Variants in VPS13D observed in about 807,000 individuals in gnomAD.
The protein encoded by VPS13D is vacuolar protein sorting 13 homolog D, also known as intermembrane lipid transfer protein VPS13D.
VPS13D carries 187 observed loss-of-function variants against 461.9 expected under a neutral mutation model. The observed-to-expected ratio is 0.40, with a 90% CI of 0.36 to 0.46. The LOEUF (loss-of-function observed/expected upper bound fraction) is 0.46, where lower values mean the gene tolerates loss of function less well. Among genes scored for constraint, VPS13D ranks in the 20% least tolerant of loss-of-function variants. The pLI, the probability that VPS13D is intolerant of heterozygous loss-of-function variation, is 0.60. For missense variants in VPS13D, 4,711 were observed against 5,364.9 expected (o/e 0.88, Z 3.81); for synonymous variants, 1,951 against 1,986.3 (o/e 0.98, Z 0.47).
chr1:12,386,573 C>T (rs1372918656), intron 60 of VPS13D, among the ~76,000 whole-genome samples: 1 of 152,090 alleles, frequency 6.6e-6, no homozygotes, highest in Non-Finnish European at 1.5e-5. Context: ...AGGAAGGTGA[C>T]CCATGGTTCA....
intron 19 of VPS13D, among the ~76,000 whole-genome samples, chr1:12,278,449 A>G (rs888017878): frequency 5.9e-5 from 9 of 151,946 alleles, no homozygotes; most frequent in Non-Finnish European, 1.3e-4. Flanking sequence ...TAATTTTTGT[A>G]TTTTTAGTAG....
chr1:12,276,539 A>C lies in VPS13D; in HGVS notation c.2951A>C (p.Asn984Thr). Residue 984 changes from asparagine (N) to threonine (T), a missense_variant, in exon 19 of 70, where the codon AAT (asparagine) becomes ACT (threonine). Physicochemically the swap from Asn to Thr is moderately conservative, Grantham distance 65. Around this residue, in one of 3 missense-constraint regions of VPS13D, gnomAD observed 4,411 missense variants for 4,937.8 expected, o/e 0.89. Transcript: ENST00000620676. The surrounding 1 kb of genome is among the most constrained non-coding windows in gnomAD (Gnocchi z 4.5). ...TCTGTGCTCAAGGTGTTTGGTACCA[A>C]TGCTCACTTTGTGAAGAGGCCTTAT... ...YISVLKVFGT[N>T]AHFVKRPYDA... is the part of the protein sequence containing the mutation. The C allele has an allele frequency of 6.2e-7, 1 of 1,614,168 alleles. No individual in the cohort carries two copies. Among genetic ancestry groups the C allele is most frequent in the Non-Finnish European group, 8.5e-7 (1 of 1,180,034 alleles).
chr1:12,469,962 A>G (rs976288967), intron 67 of VPS13D, among the ~76,000 whole-genome samples: 1 of 152,118 alleles, frequency 6.6e-6, no homozygotes, highest in Non-Finnish European at 1.5e-5. Flanking sequence ...ACTTGCCAAA[A>G]CCTCAACTTT....
At chr1:12,462,590 A>G (rs139354778) in intron 67 of VPS13D, among the ~76,000 whole-genome samples, 1 of 152,322 alleles carries the variant, frequency 6.6e-6, no homozygotes, top group East Asian at 1.9e-4. Context: ...GACCCAGCCT[A>G]TGTCTTGACC....
Position 12,267,836 on chromosome 1 carries a change from G to A in VPS13D, c.1726-9G>A, listed in dbSNP as rs775425229. ...GACGTTTACGCATTTTTGTGTGTTT[G>A]TTTAATAGCAAAAAGAAGTTGGCAG... On this transcript the variant is annotated splice_polypyrimidine_tract_variant and intron_variant, in intron 14 of 69. Transcript: ENST00000620676. The A allele has an allele frequency of 1.9e-6, 3 of 1,613,716 alleles. No homozygotes were observed. The highest frequency in any genetic ancestry group is 4.5e-5 in the East Asian group (2 of 44,862).
At chr1:12,377,311 C>T (rs1410936398) in intron 55 of VPS13D, among the ~76,000 whole-genome samples, 3 of 151,554 alleles carry the variant, frequency 2.0e-5, no homozygotes, top group Admixed American at 1.3e-4. Flanking sequence ...ACACCTGCCT[C>T]GGCCTCCCAA....
At chr1:12,265,932 G>A (rs1048802871) in intron 13 of VPS13D, among the ~76,000 whole-genome samples, 6 of 152,296 alleles carry the variant, frequency 3.9e-5, no homozygotes, top group African/African-American at 1.4e-4. Context: ...GCCAAGGCAG[G>A]AGGATCATTT....
chr1:12,401,545 A>C, intron 61 of VPS13D, 63 bp from the exon 62 acceptor site: 1 of 1,327,428 alleles, frequency 7.5e-7, no homozygotes, highest in Non-Finnish European at 1.1e-6. Context: ...AGGCCTTCTT[A>C]ATAGCACAGA....
chr1:12,378,308 C>T lies in VPS13D; in HGVS notation c.10918-120C>T, dbSNP rs1307218985. 27 of 870,422 alleles carry T rather than the reference C, an allele frequency of 3.1e-5. No homozygotes were observed. The East Asian group carries it at 4.2e-4, about 13-fold the overall frequency. 53.9% of individuals were successfully genotyped at this position (870,422 alleles called of 1,614,324 possible). A position where few individuals can be genotyped will look rare whatever the true frequency, so the allele number is the denominator to read the frequency against. ...TTAAGCATTTATATAATGTGGAAAA[C>T]GTCTAAATAAACTTCCTATATGAGA... is the stretch of plus-strand genomic sequence containing the variant. On this transcript the variant is annotated intron_variant, in intron 55 of 69. Transcript: ENST00000620676.
At chr1:12,384,338 A>G (rs1052739320) in intron 58 of VPS13D, among the ~76,000 whole-genome samples, 4 of 152,206 alleles carry the variant, frequency 2.6e-5, no homozygotes, top group Non-Finnish European at 4.4e-5. Context: ...GGCAACTCAC[A>G]GGATGATAAT....
intron 68 of VPS13D, 115 bp from the exon 69 acceptor site, chr1:12,506,738 C>CA: frequency 7.3e-7 from 1 of 1,374,118 alleles, no homozygotes; most frequent in Non-Finnish European, 9.9e-7. Context: ...TATTTCCCGG[C>CA]AAGGGGGCCG....
At chr1:12,464,667 C>A (rs572035601) in intron 67 of VPS13D, among the ~76,000 whole-genome samples, 1 of 151,946 alleles carries the variant, frequency 6.6e-6, no homozygotes, top group South Asian at 2.1e-4. Context: ...CCTAACTTTC[C>A]TCTGAAATTT....
chr1:12,244,232 C>T lies in VPS13D; in HGVS notation c.176-14C>T. On this transcript the variant is annotated splice_polypyrimidine_tract_variant and intron_variant, in intron 3 of 69. Transcript: ENST00000620676. ...GTGTACAGATGGTGAACAAGACTTT[C>T]CTTCTCCTTCCAGGCTTCATTGGGA... The T allele has an allele frequency of 1.3e-6, 2 of 1,599,096 alleles. No homozygotes were observed. Among genetic ancestry groups the T allele is most frequent in the Non-Finnish European group, 8.5e-7 (1 of 1,174,752 alleles).
At chr1:12,356,858 C>T (rs1023509110) in intron 49 of VPS13D, among the ~76,000 whole-genome samples, 1 of 152,206 alleles carries the variant, frequency 6.6e-6, no homozygotes, top group African/African-American at 2.4e-5. Context: ...AAACTTGGAG[C>T]ACAGGCACAG....
At position 12,271,544 on chromosome 1, in the gene VPS13D, C is replaced by T. The variant is rs188855481; in HGVS notation, c.2103+420C>T. Among the ~76,000 whole-genome samples, 552 of 152,196 alleles carry T rather than the reference C, an allele frequency of 3.6e-3. 2 individuals carry two copies. The highest frequency in any genetic ancestry group is 6.1e-3 in the Non-Finnish European group (418 of 67,996). ...ATTAGCTGGGCATGGTGGTGGGTCC[C>T]TGTAATCCCAGCTGCTCAGGAGGCG... On this transcript the variant is annotated intron_variant, in intron 17 of 69. Transcript: ENST00000620676.
intron 63 of VPS13D, among the ~76,000 whole-genome samples, chr1:12,413,338 G>C (rs1052248471): frequency 1.3e-4 from 20 of 151,588 alleles, no homozygotes; most frequent in African/African-American, 4.6e-4. Context: ...AAAAAAATCA[G>C]CTGGGCGTGG....
Position 12,461,689 on chromosome 1 carries a change from C to T in VPS13D, c.12662+1293C>T, listed in dbSNP as rs149082544. 2.2e-3 allele frequency among the ~76,000 whole-genome samples: 342 copies of T among 152,224 alleles called. 3 individuals are homozygous for T. Among genetic ancestry groups the T allele is most frequent in the South Asian group, 7.5e-3 (36 of 4,826 alleles). ...ACTTAATGAAGTGTAAAGCTGAAGACGCCTAAGAGTTCCCAAAGAAGCATG... is the reference window on the plus strand; with the variant it reads ...ACTTAATGAAGTGTAAAGCTGAAGATGCCTAAGAGTTCCCAAAGAAGCATG... On this transcript the variant is annotated intron_variant, in intron 67 of 69. Coordinates refer to ENST00000620676, the MANE Select transcript of VPS13D (RefSeq NM_015378.4).
chr1:12,305,873 G>A (rs549511497), intron 26 of VPS13D, among the ~76,000 whole-genome samples: 2 of 152,298 alleles, frequency 1.3e-5, no homozygotes, highest in African/African-American at 4.8e-5. Context: ...CATCCCCGTA[G>A]TAGTAGTTGT....
chr1:12,346,696 A>G, intron 44 of VPS13D, 44 bp downstream of exon 44: 3 of 1,535,858 alleles, frequency 2.0e-6, no homozygotes, highest in Non-Finnish European at 2.7e-6. Context: ...TTGCGTATAT[A>G]CACTGCACCT....
Sources: gnomAD v4.1 joint callset for allele counts (sites outside exome capture counted in the v4.1 genomes callset) on GRCh38, gnomAD v4.1.1 for gene constraint, gnomAD v4.1.1 regional missense constraint, Gnocchi (gnomAD v3.1) non-coding constraint, MANE v1.5 for transcripts, NCBI Gene and HGNC (gene_info 2026-07-23, HGNC 2026-07-21) for gene names.